The following EIF2AK4 variants were observed in gnomAD, a reference collection of about 807,000 sequenced individuals.
EIF2AK4 encodes the protein eIF-2-alpha kinase GCN2.
Under a neutral mutation model 211.1 loss-of-function variants are expected in EIF2AK4, and 139 were observed. The ratio of observed to expected loss-of-function variants is 0.66; its 90% CI spans 0.57 to 0.76. EIF2AK4 has a LOEUF of 0.76. EIF2AK4 is among the 30% of genes least tolerant of loss of function. The pLI is 0.00. For synonymous variants in EIF2AK4, 710 were observed against 751.3 expected (o/e 0.94, Z 0.90); for missense variants, 1,664 against 2,043.8 (o/e 0.81, Z 3.58).
At chr15:39,941,797 T>C (rs551467511) in intron 2 of EIF2AK4, among the ~76,000 whole-genome samples, 8 of 152,212 alleles carry the variant, frequency 5.3e-5, no homozygotes, top group African/African-American at 1.9e-4. Context: ...TCTCCCCAGG[T>C]TGTGGCAACC....
rs2034953291 is a variant in EIF2AK4, at chr15:39,992,202, G to A, written c.2659G>A (p.Gly887Arg). 6.2e-7 allele frequency: 1 copy of A among 1,612,188 alleles called. No individual in the cohort carries two copies. The highest frequency in any genetic ancestry group is 1.3e-5 in the African/African-American group (1 of 74,890). Residue 887 changes from glycine (G) to arginine (R), a missense_variant, in exon 17 of 39, where the codon GGA becomes AGA. Physicochemically the swap from Gly to Arg is moderately radical, Grantham distance 125. Around this residue, in one of 7 missense-constraint regions of EIF2AK4, gnomAD observed 622 missense variants for 796.8 expected, o/e 0.78. Coordinates refer to ENST00000263791, the MANE Select transcript of EIF2AK4 (RefSeq NM_001013703.4). ...SADSKQDDQT[G>R]DLIKSDPSGH... The stretch of plus-strand genomic sequence containing the variant: ...TGACAGCAAACAAGACGATCAGACA[G>A]GAGACTTGATTAAGTCAGACCCTTC...
At chr15:40,007,889 ATTTG>A in intron 24 of EIF2AK4, 134 bp from the exon 25 acceptor site, 1 of 623,070 alleles carries the variant, frequency 1.6e-6, no homozygotes, top group Non-Finnish European at 2.5e-6. Context: ...TCCAGGTCAA[ATTTG>A]TCTTTCAGTC....
rs2034656105 is a variant in EIF2AK4 at position 39,973,765 on chromosome 15, A to AT, written c.1818+18dup. On this transcript the variant is annotated intron_variant, in intron 11 of 38. Coordinates refer to ENST00000263791, the MANE Select transcript of EIF2AK4 (RefSeq NM_001013703.4). ...TGTCATCAAGGTGTGGTACAGAGTC[A>AT]TTCCCAGTCCCCTTTAGAGCTCCTT... 2 of 1,613,664 alleles carry AT rather than the reference A, an allele frequency of 1.2e-6. No homozygotes were observed. Among genetic ancestry groups the AT allele is most frequent in the Non-Finnish European group, 1.7e-6 (2 of 1,179,726 alleles).
chr15:39,970,685 A>C (rs1277771708), intron 9 of EIF2AK4, among the ~76,000 whole-genome samples: 1 of 152,222 alleles, frequency 6.6e-6, no homozygotes, highest in Non-Finnish European at 1.5e-5. Flanking sequence ...TATGTGTATA[A>C]ATGCATAGAA....
At chr15:39,974,729 A>G (rs2034670693) in intron 11 of EIF2AK4, 1 of 152,212 alleles carries the variant, frequency 6.6e-6, no homozygotes, top group African/African-American at 2.4e-5. Flanking sequence ...AGTACTTAAT[A>G]ATGATAGGCA....
chr15:40,012,880 G>A (rs1012290036), intron 27 of EIF2AK4, among the ~76,000 whole-genome samples: 3 of 152,140 alleles, frequency 2.0e-5, no homozygotes, highest in African/African-American at 7.2e-5. Context: ...TGGACTCTAA[G>A]GGTATTAGGA....
At chr15:39,968,749 C>T (rs1409318064) in intron 9 of EIF2AK4, among the ~76,000 whole-genome samples, 2 of 151,994 alleles carry the variant, frequency 1.3e-5, no homozygotes, top group Non-Finnish European at 2.9e-5. Context: ...TTCCCTATTC[C>T]ACCTATCGCA....
intron 30 of EIF2AK4, 173 bp from the exon 31 acceptor site, chr15:40,020,721 CTTTTT>C (rs57323541): frequency 1.4e-4 from 40 of 294,818 alleles, no homozygotes; most frequent in East Asian, 1.1e-3. Context: ...TTGAGTGTGT[CTTTTT>C]TTTTTTTTTT....
chr15:40,010,462 G>T (rs2035220057), intron 26 of EIF2AK4, among the ~76,000 whole-genome samples: 1 of 152,168 alleles, frequency 6.6e-6, no homozygotes, highest in Admixed American at 6.5e-5. Flanking sequence ...TATAGTATAT[G>T]TGCGGGTACA....
At chr15:40,016,435 C>G in intron 27 of EIF2AK4, 67 bp from the exon 28 acceptor site, 3 of 1,578,016 alleles carry the variant, frequency 1.9e-6, no homozygotes, top group Non-Finnish European at 2.6e-6. Flanking sequence ...CAGGTGCACA[C>G]AGTCGGTGCA....
intron 12 of EIF2AK4, chr15:39,977,543 T>C (rs922619048): frequency 2.6e-5 from 4 of 152,198 alleles, no homozygotes; most frequent in African/African-American, 9.7e-5. Flanking sequence ...TAAAGGATTT[T>C]TTTTCCCGCT....
chr15:39,962,241 A>C (rs1467650968), intron 7 of EIF2AK4, among the ~76,000 whole-genome samples: 1 of 152,272 alleles, frequency 6.6e-6, no homozygotes, highest in Non-Finnish European at 1.5e-5. Flanking sequence ...TGTGAGTGAC[A>C]GAATGAGACC....
intron 26 of EIF2AK4, among the ~76,000 whole-genome samples, chr15:40,010,766 G>A (rs1244971350): frequency 6.6e-6 from 1 of 152,154 alleles, no homozygotes; most frequent in African/African-American, 2.4e-5. Flanking sequence ...TTGTTTCTTA[G>A]TGGTTCTTTA....
Position 39,990,261 on chromosome 15 carries a change from C to G in EIF2AK4, c.2527-12C>G, listed in dbSNP as rs1461906220. On this transcript the variant is annotated splice_polypyrimidine_tract_variant and intron_variant, in intron 15 of 38. Transcript: ENST00000263791. ...GAAAACCATTGTTTGTTTCTTCACT[C>G]TCTTTCAACAGGGAATGATTCACCG... 6.2e-7 allele frequency: 1 copy of G among 1,611,960 alleles called. No individual in the cohort carries two copies. The highest frequency in any genetic ancestry group is 1.3e-5 in the African/African-American group (1 of 74,886).
At chr15:40,016,708 G>T (rs773495888) in intron 28 of EIF2AK4, 36 bp downstream of exon 28, 4 of 1,603,462 alleles carry the variant, frequency 2.5e-6, no homozygotes, top group Admixed American at 3.4e-5. Flanking sequence ...GTACAAATGT[G>T]TAGCATTACT....
intron 13 of EIF2AK4, among the ~76,000 whole-genome samples, chr15:39,982,865 G>A (rs997847392): frequency 6.6e-6 from 1 of 152,134 alleles, no homozygotes; most frequent in African/African-American, 2.4e-5. Context: ...CCCTGCAAAG[G>A]ACATGAACTT....
intron 13 of EIF2AK4, among the ~76,000 whole-genome samples, chr15:39,985,095 A>C (rs2034846434): frequency 6.6e-6 from 1 of 152,244 alleles, no homozygotes; most frequent in Non-Finnish European, 1.5e-5. Context: ...CCTTTTCTGC[A>C]TCTATTGAGA....
chr15:39,992,015 TG>T, intron 16 of EIF2AK4, 159 bp from the exon 17 acceptor site: 1 of 589,114 alleles, frequency 1.7e-6, no homozygotes, highest in Non-Finnish European at 2.8e-6. Flanking sequence ...CTTGCATTAG[TG>T]GGTTAACTAA....
chr15:39,980,600 A>C (rs1039164445), intron 13 of EIF2AK4, among the ~76,000 whole-genome samples: 7 of 152,242 alleles, frequency 4.6e-5, no homozygotes, highest in Admixed American at 3.3e-4. Flanking sequence ...TAATTAGCCC[A>C]GTAAGGGAGG....
Sources: allele counts gnomAD v4.1 joint callset (sites outside exome capture counted in the v4.1 genomes callset), GRCh38; gene constraint gnomAD v4.1.1; regional missense constraint gnomAD v4.1.1; transcripts MANE v1.5; gene names NCBI Gene and HGNC (gene_info 2026-07-23, HGNC 2026-07-21).